The following DPY19L2 variants were observed in gnomAD, a reference collection of about 807,000 sequenced individuals.
DPY19L2 encodes the protein dpy-19 like 2.
DPY19L2 carries 34 observed loss-of-function variants against 97.9 expected under a neutral mutation model. That is an observed-to-expected ratio of 0.35 (90% confidence interval 0.26 to 0.46). The LOEUF is 0.46. Among genes scored for constraint, DPY19L2 ranks in the 20% least tolerant of loss-of-function variants. The probability of loss-of-function intolerance (pLI) is 1.00; values close to 1 mark genes in which losing one functional copy is unlikely to be tolerated. For missense variants in DPY19L2, 623 were observed against 911.4 expected (o/e 0.68, Z 4.07); for synonymous variants, 230 against 307.9 (o/e 0.75, Z 2.65).
chr12:63,582,766 T>C (rs1249628715), intron 17 of DPY19L2, among the ~76,000 whole-genome samples: 1 of 152,124 alleles, frequency 6.6e-6, no homozygotes, highest in Non-Finnish European at 1.5e-5. Context: ...CATTTAGTAA[T>C]GAAAGACAGA....
chr12:63,589,357 CAAA>C (rs71086687), intron 16 of DPY19L2, among the ~76,000 whole-genome samples: 95 of 18,904 alleles, frequency 5.0e-3, no homozygotes, highest in East Asian at 0.019. Flanking sequence ...AAATGTGTTG[CAAA>C]AAAAAAAAAA....
chr12:63,603,294 T>C (rs1885487710), intron 12 of DPY19L2, among the ~76,000 whole-genome samples: 1 of 152,202 alleles, frequency 6.6e-6, no homozygotes, highest in South Asian at 2.1e-4. Flanking sequence ...CCCCTCTGTG[T>C]ATCTATTTTG....
At chr12:63,634,593 C>T (rs1891323857) in intron 6 of DPY19L2, among the ~76,000 whole-genome samples, 1 of 152,154 alleles carries the variant, frequency 6.6e-6, no homozygotes, top group African/African-American at 2.4e-5. Context: ...TAATACGGCA[C>T]TTTTCCAACG....
At position 63,668,348 on chromosome 12, in the gene DPY19L2, G is replaced by A. The variant is rs1472388388; in HGVS notation, c.46C>T (p.Arg16Cys). ...VSSKRLQSSG[R>C]SQSKGRRGAS... ...CCGCGCCGCCCCTTAGACTGGCTGCGGCCGGAAGATTGCAGCCGCTTTGAG... is the reference window on the plus strand; with the variant it reads ...CCGCGCCGCCCCTTAGACTGGCTGCAGCCGGAAGATTGCAGCCGCTTTGAG... Residue 16 changes from arginine to cysteine, a missense_variant, in exon 1 of 22, where the codon CGC (arginine) becomes TGC (cysteine). Arg to Cys is a radical substitution (Grantham distance 180). Coordinates refer to ENST00000324472, the MANE Select transcript of DPY19L2 (RefSeq NM_173812.5). The A allele has an allele frequency of 1.9e-6, 3 of 1,613,254 alleles. No homozygotes were observed. Among genetic ancestry groups the A allele is most frequent in the African/African-American group, 2.7e-5 (2 of 74,832 alleles).
intron 12 of DPY19L2, among the ~76,000 whole-genome samples, chr12:63,605,559 C>T (rs1426896487): frequency 5.3e-5 from 8 of 152,090 alleles, no homozygotes; most frequent in Non-Finnish European, 1.2e-4. Flanking sequence ...AGTGAAAGGG[C>T]CTAGAAACAA....
intron 4 of DPY19L2, among the ~76,000 whole-genome samples, chr12:63,655,408 CAT>C (rs1380795158): frequency 6.6e-6 from 1 of 152,126 alleles, no homozygotes; most frequent in East Asian, 1.9e-4. Context: ...AGGAAATTTG[CAT>C]AGTTTCATTC....
intron 12 of DPY19L2, among the ~76,000 whole-genome samples, chr12:63,600,731 A>C (rs1353040631): frequency 6.6e-6 from 1 of 151,892 alleles, no homozygotes; most frequent in Admixed American, 6.6e-5. Flanking sequence ...AACAAAGAAA[A>C]AAACCCGTGT....
At chr12:63,631,596 C>G (rs973220958) in intron 6 of DPY19L2, among the ~76,000 whole-genome samples, 1 of 151,972 alleles carries the variant, frequency 6.6e-6, no homozygotes, top group Admixed American at 6.6e-5. Context: ...AAAAAAAGTC[C>G]AGGACCAGAC....
At chr12:63,598,464 G>T (rs1884619919) in intron 13 of DPY19L2, among the ~76,000 whole-genome samples, 1 of 152,042 alleles carries the variant, frequency 6.6e-6, no homozygotes, top group African/African-American at 2.4e-5. Flanking sequence ...TTAGCTATTT[G>T]ATCTCCAAGG....
At chr12:63,577,601 T>TA (rs1293833204) in intron 19 of DPY19L2, among the ~76,000 whole-genome samples, 4 of 150,240 alleles carry the variant, frequency 2.7e-5, no homozygotes, top group Non-Finnish European at 5.9e-5. Flanking sequence ...AAATCTACTT[T>TA]AAAAATGGTC....
intron 21 of DPY19L2, among the ~76,000 whole-genome samples, chr12:63,562,676 C>A (rs1398251187): frequency 6.6e-6 from 1 of 151,318 alleles, no homozygotes; most frequent in Non-Finnish European, 1.5e-5. Context: ...GTTTTTTTTT[C>A]AATTATAGCT....
At chr12:63,582,591 T>C (rs949224820) in intron 17 of DPY19L2, 66 bp from the exon 18 acceptor site, 115 of 1,478,686 alleles carry the variant, frequency 7.8e-5, no homozygotes, top group Middle Eastern at 3.7e-4. Context: ...ATGAAGTATA[T>C]TAAAACTATA....
At chr12:63,608,550 T>G in intron 12 of DPY19L2, 66 bp downstream of exon 12, 1 of 1,349,152 alleles carries the variant, frequency 7.4e-7, no homozygotes, top group East Asian at 2.4e-5. Context: ...GCATATTAAC[T>G]GTGTTCAGTT....
intron 19 of DPY19L2, among the ~76,000 whole-genome samples, chr12:63,575,408 A>C (rs1348917837): frequency 6.6e-6 from 1 of 151,884 alleles, no homozygotes; most frequent in Non-Finnish European, 1.5e-5. Flanking sequence ...CTTCTTAAAA[A>C]ACTAGAAAAG....
At position 63,643,052 on chromosome 12, in the gene DPY19L2, T is replaced by A. The variant is rs185089053; in HGVS notation, c.803+1351A>T. 1.2e-3 allele frequency among the ~76,000 whole-genome samples: 180 copies of A among 152,102 alleles called. 1 individual carries two copies. Among genetic ancestry groups the A allele is most frequent in the African/African-American group, 3.9e-3 (162 of 41,504 alleles). ...ATAGCATCCTTTCAAAATTTCATTT[T>A]CTATTTGATGCTAAAGTATAAAATT... On this transcript the variant is annotated intron_variant, in intron 6 of 21. Transcript: ENST00000324472.
intron 16 of DPY19L2, among the ~76,000 whole-genome samples, chr12:63,592,852 A>G (rs1187523034): frequency 1.3e-5 from 2 of 152,152 alleles, no homozygotes; most frequent in Non-Finnish European, 2.9e-5. Context: ...GTCAACAGGC[A>G]ACCTACAACA....
intron 11 of DPY19L2, among the ~76,000 whole-genome samples, chr12:63,610,880 A>ACC (rs76456631): frequency 0.33 from 36,152 of 108,884 alleles, 5,826 homozygotes; most frequent in East Asian, 0.65. Context: ...AAAAAACCAC[A>ACC]CACACACACA....
intron 6 of DPY19L2, among the ~76,000 whole-genome samples, chr12:63,637,709 ATAAC>A (rs1299091410): frequency 3.3e-5 from 5 of 152,128 alleles, no homozygotes; most frequent in Non-Finnish European, 7.4e-5. Flanking sequence ...AATTGAGGCA[ATAAC>A]TAATAGCCTA....
At chr12:63,594,186 A>G (rs1883690951) in intron 15 of DPY19L2, 53 bp from the exon 16 acceptor site, 1 of 1,282,642 alleles carries the variant, frequency 7.8e-7, no homozygotes, top group Admixed American at 2.3e-5. Flanking sequence ...TGCAATATTT[A>G]AAATGCTCTG....
Sources: gnomAD v4.1 joint callset for allele counts (sites outside exome capture counted in the v4.1 genomes callset) on GRCh38, gnomAD v4.1.1 for gene constraint, MANE v1.5 for transcripts, NCBI Gene and HGNC (gene_info 2026-07-23, HGNC 2026-07-21) for gene names.